The following UQCC1 variants were observed in gnomAD, a reference collection of about 807,000 sequenced individuals.
The protein encoded by UQCC1 is ubiquinol-cytochrome c reductase complex assembly factor 1.
In UQCC1, 38 loss-of-function variants were observed where a neutral mutation model predicts 48.0. That is an observed-to-expected ratio of 0.79 (90% CI 0.61 to 1.04). UQCC1 has a LOEUF of 1.04. Among genes scored for constraint, UQCC1 ranks in the 50% least tolerant of loss-of-function variants. The pLI, the probability that UQCC1 is intolerant of heterozygous loss-of-function variation, is 0.00. For synonymous variants in UQCC1, 111 were observed against 129.2 expected (o/e 0.86, Z 0.95); for missense variants, 368 against 381.8 (o/e 0.96, Z 0.30).
At chr20:35,329,181 G>A (rs1044141663) in intron 7 of UQCC1, among the ~76,000 whole-genome samples, 9 of 152,192 alleles carry the variant, frequency 5.9e-5, no homozygotes, top group Admixed American at 3.3e-4. Context: ...GACAATTCCC[G>A]AACTCCGGGA....
intron 6 of UQCC1, among the ~76,000 whole-genome samples, chr20:35,348,499 C>T (rs1412636239): frequency 6.6e-6 from 1 of 152,162 alleles, no homozygotes; most frequent in African/African-American, 2.4e-5. Flanking sequence ...TTGCCATTCT[C>T]CTGCTTCAGC....
intron 7 of UQCC1, among the ~76,000 whole-genome samples, chr20:35,338,834 AAAGC>A (rs1010697204): frequency 7.6e-6 from 1 of 131,144 alleles, no homozygotes; most frequent in Non-Finnish European, 1.6e-5. Context: ...ACCGGGCGAG[AAAGC>A]AAGACTCCGT....
At chr20:35,369,471 C>T (rs1385348734) in intron 5 of UQCC1, among the ~76,000 whole-genome samples, 1 of 152,222 alleles carries the variant, frequency 6.6e-6, no homozygotes, top group Admixed American at 6.5e-5. Context: ...TGAAGCTAGG[C>T]ACTTTCTTTC....
At chr20:35,336,684 G>T (rs1600896375) in intron 7 of UQCC1, among the ~76,000 whole-genome samples, 1 of 152,112 alleles carries the variant, frequency 6.6e-6, no homozygotes, top group Non-Finnish European at 1.5e-5. Context: ...ATAAATTTTT[G>T]TTGTTTTAAA....
intron 8 of UQCC1, 33 bp downstream of exon 8, chr20:35,314,655 C>T (rs2061036841): frequency 6.4e-7 from 1 of 1,566,596 alleles, no homozygotes. Flanking sequence ...GGGGAGGCCA[C>T]CGTCCTGCCT....
intron 4 of UQCC1, 59 bp downstream of exon 4, chr20:35,381,859 T>C (rs2061873521): frequency 2.0e-6 from 2 of 996,700 alleles, no homozygotes; most frequent in Non-Finnish European, 3.1e-6. Flanking sequence ...AAAAAATCTA[T>C]TAGGAGCAGA....
chr20:35,371,565 C>T (rs2061730902), intron 5 of UQCC1, among the ~76,000 whole-genome samples: 1 of 151,782 alleles, frequency 6.6e-6, no homozygotes, highest in Non-Finnish European at 1.5e-5. Context: ...CTCCTGACCT[C>T]AAGTGATTCA....
intron 7 of UQCC1, among the ~76,000 whole-genome samples, chr20:35,332,728 A>G (rs2061270439): frequency 6.6e-6 from 1 of 152,222 alleles, no homozygotes; most frequent in African/African-American, 2.4e-5. Flanking sequence ...GGGCTGGGCT[A>G]ATAAATCGCT....
chr20:35,321,455 G>A (rs1444498489), intron 7 of UQCC1, among the ~76,000 whole-genome samples: 1 of 152,100 alleles, frequency 6.6e-6, no homozygotes, highest in African/African-American at 2.4e-5. Flanking sequence ...GCGATGAAAG[G>A]CCAACCTAAA....
At chr20:35,392,558 T>G (rs989231235) in intron 2 of UQCC1, among the ~76,000 whole-genome samples, 5 of 152,170 alleles carry the variant, frequency 3.3e-5, no homozygotes, top group Admixed American at 1.3e-4. Flanking sequence ...TAACAAATAC[T>G]ATTAAAAATT....
At chr20:35,387,986 TA>T (rs2061965881) in intron 2 of UQCC1, among the ~76,000 whole-genome samples, 1 of 151,616 alleles carries the variant, frequency 6.6e-6, no homozygotes, top group Non-Finnish European at 1.5e-5. Context: ...TATATTTTCC[TA>T]TTTTTTTTTT....
intron 5 of UQCC1, among the ~76,000 whole-genome samples, chr20:35,368,684 C>T (rs561319436): frequency 2.6e-5 from 4 of 152,338 alleles, no homozygotes; most frequent in Non-Finnish European, 4.4e-5. Context: ...AACTAAGTAA[C>T]GTGTGGGCAG....
At chr20:35,340,160 CCT>C (rs1015059218) in intron 7 of UQCC1, among the ~76,000 whole-genome samples, 1 of 152,136 alleles carries the variant, frequency 6.6e-6, no homozygotes, top group Non-Finnish European at 1.5e-5. Context: ...GGACTGGCAC[CCT>C]GACTGTATGC....
At chr20:35,354,667 T>C (rs2061526327) in intron 6 of UQCC1, among the ~76,000 whole-genome samples, 1 of 151,488 alleles carries the variant, frequency 6.6e-6, no homozygotes, top group South Asian at 2.1e-4. Context: ...AGTGCTGGGA[T>C]TACAGGCGTG....
At chr20:35,347,007 C>T in intron 7 of UQCC1, 157 bp downstream of exon 7, 4 of 1,563,682 alleles carry the variant, frequency 2.6e-6, no homozygotes, top group Non-Finnish European at 3.5e-6. Context: ...TTAGTTTCCA[C>T]AGAGGCAGAA....
At chr20:35,369,436 A>C (rs2061704888) in intron 5 of UQCC1, among the ~76,000 whole-genome samples, 1 of 152,256 alleles carries the variant, frequency 6.6e-6, no homozygotes, top group African/African-American at 2.4e-5. Context: ...CTCTTGCTCC[A>C]ATGCACATTC....
intron 4 of UQCC1, among the ~76,000 whole-genome samples, chr20:35,380,706 T>A (rs1055349099): frequency 6.6e-6 from 1 of 152,226 alleles, no homozygotes; most frequent in African/African-American, 2.4e-5. Flanking sequence ...TGATTAGGCT[T>A]ACCCAATATT....
chr20:35,345,285 C>T (rs989611919), intron 7 of UQCC1: 1 of 152,184 alleles, frequency 6.6e-6, no homozygotes, highest in Non-Finnish European at 1.5e-5. Flanking sequence ...ATTGGTGTGG[C>T]AAGTTGGGGG....
intron 5 of UQCC1, among the ~76,000 whole-genome samples, chr20:35,367,776 AAAAAG>A (rs1390329387): frequency 6.6e-6 from 1 of 152,156 alleles, no homozygotes; most frequent in Non-Finnish European, 1.5e-5. Context: ...AAGAAAAAAG[AAAAAG>A]AAAAGATCAG....
Sources: gnomAD v4.1 joint callset for allele counts (sites outside exome capture counted in the v4.1 genomes callset) on GRCh38, gnomAD v4.1.1 for gene constraint, MANE v1.5 for transcripts, NCBI Gene and HGNC (gene_info 2026-07-23, HGNC 2026-07-21) for gene names.